The following RBBP5 variants were observed in gnomAD, a reference collection of about 807,000 sequenced individuals.
RBBP5 encodes the protein RB binding protein 5, histone lysine methyltransferase complex subunit.
Under a neutral mutation model 72.2 loss-of-function variants are expected in RBBP5, and 5 were observed. The ratio of observed to expected loss-of-function variants is 0.07; its 90% CI spans 0.04 to 0.15. The LOEUF (loss-of-function observed/expected upper bound fraction) is 0.15, where lower values mean the gene tolerates loss of function less well. RBBP5 is among the 10% of genes least tolerant of loss of function. The pLI is 1.00. For synonymous variants in RBBP5, 209 were observed against 237.2 expected (o/e 0.88, Z 1.09); for missense variants, 322 against 652.2 (o/e 0.49, Z 5.51).
intron 10 of RBBP5, among the ~76,000 whole-genome samples, chr1:205,098,375 A>C (rs1157319975): frequency 6.6e-6 from 1 of 152,214 alleles, no homozygotes; most frequent in Non-Finnish European, 1.5e-5. Flanking sequence ...TAGGTGCTGC[A>C]TGTATGTCCT....
At chr1:205,113,987 A>G (rs1435660429) in intron 3 of RBBP5, among the ~76,000 whole-genome samples, 2 of 152,198 alleles carry the variant, frequency 1.3e-5, no homozygotes, top group Non-Finnish European at 2.9e-5. Context: ...GCCTGGCCCT[A>G]TTTGAATCTT....
At chr1:205,105,311 A>G in intron 3 of RBBP5, 143 bp from the exon 4 acceptor site, 3 of 880,360 alleles carry the variant, frequency 3.4e-6, no homozygotes, top group Non-Finnish European at 3.4e-6. Context: ...ACTCAAATCC[A>G]TAAGCTTTTC....
chr1:205,121,375 C>T (rs1029644318), intron 1 of RBBP5, among the ~76,000 whole-genome samples: 1 of 152,152 alleles, frequency 6.6e-6, no homozygotes, highest in East Asian at 1.9e-4. Flanking sequence ...TAGTGCCTAG[C>T]CATTACCCTC....
chr1:205,103,812 T>C, intron 5 of RBBP5, 45 bp downstream of exon 5: 1 of 1,575,556 alleles, frequency 6.3e-7, no homozygotes, highest in Non-Finnish European at 8.7e-7. Flanking sequence ...AAACATTAAA[T>C]GAGCCAGTGT....
At chr1:205,115,825 G>A (rs1021457818) in intron 2 of RBBP5, 33 bp downstream of exon 2, 1 of 1,560,916 alleles carries the variant, frequency 6.4e-7, no homozygotes, top group African/African-American at 1.4e-5. Flanking sequence ...AAGTTACTAT[G>A]TTCCTAAAAT....
intron 13 of RBBP5, among the ~76,000 whole-genome samples, chr1:205,093,472 AAAAAAAAATATATATATATATATATATAT>A (rs1655441590): frequency 9.5e-5 from 1 of 10,558 alleles, no homozygotes; most frequent in Non-Finnish European, 2.0e-4. Flanking sequence ...AAAAAAAAAA[AAAAAAAAATATATATATATATATATATAT>A]ATATATATAT....
At chr1:205,110,152 TG>T (rs928079671) in intron 3 of RBBP5, among the ~76,000 whole-genome samples, 5 of 152,014 alleles carry the variant, frequency 3.3e-5, no homozygotes, top group African/African-American at 1.2e-4. Flanking sequence ...CCCGAGTAGC[TG>T]GGATTACAGG....
chr1:205,104,842 AAAAG>A lies in RBBP5; in HGVS notation c.359+182_359+185del, dbSNP rs534462263. On this transcript the variant is annotated intron_variant, in intron 4 of 13. Transcript: ENST00000264515. ...GACAGAGCAGGACTCTGTCTCAAAA[AAAAG>A]AAAGAAAGAAAGAAAGAAATGTATT... Among the ~76,000 whole-genome samples, 624 of 152,290 alleles carry A rather than the reference AAAAG, an allele frequency of 4.1e-3. 5 individuals carry two copies. Among genetic ancestry groups the A allele is most frequent in the Middle Eastern group, 6.8e-3 (2 of 294 alleles).
intron 13 of RBBP5, among the ~76,000 whole-genome samples, chr1:205,093,846 T>C (rs188619284): frequency 2.0e-4 from 30 of 152,036 alleles, no homozygotes; most frequent in Non-Finnish European, 3.8e-4. Flanking sequence ...AGAATTCTGT[T>C]TTGCACTCTA....
In RBBP5 at chr1:205,086,993, A is replaced by G. The variant is rs1389942933; in HGVS notation, c.*1794T>C. On this transcript the variant is annotated 3_prime_UTR_variant, in exon 14 of 14. Transcript: ENST00000264515. ...GACAGTCTCAAAATGAATATTTAAGAAAAAAGTAGTGGCATCTAAAAATAT... is the reference window on the plus strand; with the variant it reads ...GACAGTCTCAAAATGAATATTTAAGGAAAAAGTAGTGGCATCTAAAAATAT... The G allele has an allele frequency of 6.6e-6, 1 of 152,242 alleles. No individual in the cohort carries two copies. The highest frequency in any genetic ancestry group is 1.5e-5 in the Non-Finnish European group (1 of 68,048). The allele number at this position is 152,242 out of a possible 1,614,324, so 9.4% of individuals were successfully genotyped here.
At position 205,099,413 on chromosome 1, in the gene RBBP5, G is replaced by A. The variant is rs1380361423; in HGVS notation, c.979-307C>T. 6.6e-6 allele frequency among the ~76,000 whole-genome samples: 1 copy of A among 152,052 alleles called. No individual in the cohort carries two copies. The highest frequency in any genetic ancestry group is 1.9e-4 in the East Asian group (1 of 5,192). On this transcript the variant is annotated intron_variant, in intron 9 of 13. Transcript: ENST00000264515. The surrounding 1 kb of genome is among the most constrained non-coding windows in gnomAD (Gnocchi z 4.7). ...ACACTGATTACAAACATAATTTAAA[G>A]GTGTTCAAAGTAAAATTAAGATGTA...
chr1:205,100,929 T>G (rs573655369), intron 6 of RBBP5, among the ~76,000 whole-genome samples: 24 of 152,246 alleles, frequency 1.6e-4, no homozygotes, highest in African/African-American at 5.5e-4. Flanking sequence ...ATAAGGAGTG[T>G]ACAACCTAGA....
intron 11 of RBBP5, 95 bp downstream of exon 11, chr1:205,097,231 C>T (rs779382465): frequency 1.5e-4 from 179 of 1,193,772 alleles, no homozygotes; most frequent in Non-Finnish European, 1.8e-4. Context: ...AATAAGCAGA[C>T]GGGAATGAAG....
intron 5 of RBBP5, among the ~76,000 whole-genome samples, chr1:205,103,030 G>A (rs938552800): frequency 2.7e-5 from 4 of 149,662 alleles, no homozygotes; most frequent in East Asian, 1.9e-4. Flanking sequence ...TTCTAAGGCC[G>A]GGTGCAGTGG....
At chr1:205,095,148 T>G in intron 12 of RBBP5, 84 bp from the exon 13 acceptor site, 1 of 1,297,076 alleles carries the variant, frequency 7.7e-7, no homozygotes, top group Non-Finnish European at 1.1e-6. Flanking sequence ...CAAAGAATGT[T>G]GCTTTGTGTC....
intron 3 of RBBP5, among the ~76,000 whole-genome samples, chr1:205,107,075 C>CATATAT (rs200215378): frequency 3.4e-4 from 44 of 129,374 alleles, no homozygotes; most frequent in African/African-American, 7.6e-4. Flanking sequence ...TGTGTGTATA[C>CATATAT]ATATATATAT....
chr1:205,118,335 G>A (rs566586510), intron 1 of RBBP5, among the ~76,000 whole-genome samples: 4 of 152,260 alleles, frequency 2.6e-5, no homozygotes, highest in South Asian at 4.1e-4. Context: ...ATATCGGCCA[G>A]GTGCAGCGGC....
chr1:205,111,030 C>T (rs1437867291), intron 3 of RBBP5, among the ~76,000 whole-genome samples: 1 of 152,110 alleles, frequency 6.6e-6, no homozygotes, highest in Non-Finnish European at 1.5e-5. Flanking sequence ...TGCCACTGCA[C>T]TCCAGCCTGG....
intron 4 of RBBP5, among the ~76,000 whole-genome samples, chr1:205,104,394 G>A (rs772509766): frequency 6.6e-6 from 1 of 151,878 alleles, no homozygotes; most frequent in Non-Finnish European, 1.5e-5. Context: ...TGTGGTGCCT[G>A]CACCTGTAAT....
Sources: gnomAD v4.1 joint callset for allele counts (sites outside exome capture counted in the v4.1 genomes callset) on GRCh38, gnomAD v4.1.1 for gene constraint, Gnocchi (gnomAD v3.1) non-coding constraint, MANE v1.5 for transcripts, NCBI Gene and HGNC (gene_info 2026-07-23, HGNC 2026-07-21) for gene names.